Variants in RBFOX1 observed in about 807,000 individuals in gnomAD.
RBFOX1 encodes the protein RNA binding fox-1 homolog 1.
A neutral mutation model predicts 57.7 loss-of-function variants in RBFOX1; 8 were observed. The ratio of observed to expected loss-of-function variants is 0.14; its 90% CI spans 0.08 to 0.25. RBFOX1 has a LOEUF of 0.25. RBFOX1 is among the 10% of genes least tolerant of loss of function. RBFOX1 has a pLI of 1.00. For missense variants in RBFOX1, 611 were observed against 548.5 expected (o/e 1.11, Z -1.14); for synonymous variants, 326 against 222.4 (o/e 1.47, Z -4.15).
intron 3 of RBFOX1, among the ~76,000 whole-genome samples, chr16:6,862,631 C>G (rs879809774): frequency 9.2e-5 from 14 of 152,088 alleles, no homozygotes; most frequent in Admixed American, 8.5e-4. Flanking sequence ...GTACAGGACA[C>G]AAATGGAAAA....
intron 3 of RBFOX1, among the ~76,000 whole-genome samples, chr16:6,886,393 G>C (rs905145804): frequency 2.0e-5 from 3 of 151,914 alleles, no homozygotes; most frequent in Admixed American, 6.6e-5. Context: ...TGTCACCATT[G>C]AGAAGAAAGG....
At chr16:6,592,687 C>A (rs1411396311) in intron 2 of RBFOX1, among the ~76,000 whole-genome samples, 2 of 152,112 alleles carry the variant, frequency 1.3e-5, no homozygotes, top group Non-Finnish European at 2.9e-5. Flanking sequence ...AGCTCATAGT[C>A]CCCTGAGAAA....
chr16:7,404,149 T>C (rs1275067502), intron 4 of RBFOX1, among the ~76,000 whole-genome samples: 1 of 151,594 alleles, frequency 6.6e-6, no homozygotes, highest in South Asian at 2.1e-4. Flanking sequence ...ACCTCCCAGG[T>C]TCAAGCGATT....
intron 4 of RBFOX1, among the ~76,000 whole-genome samples, chr16:6,013,062 A>T (rs1203492322): frequency 6.6e-6 from 1 of 152,152 alleles, no homozygotes; most frequent in Non-Finnish European, 1.5e-5. Context: ...CATCATCATC[A>T]TCATTGTTGT....
chr16:6,218,174 A>G (rs375268207), intron 1 of RBFOX1, among the ~76,000 whole-genome samples: 14 of 152,246 alleles, frequency 9.2e-5, no homozygotes, highest in Non-Finnish European at 2.1e-4. Context: ...GTGCATTTTC[A>G]GTAGAATAAT....
chr16:5,790,612 A>G (rs2054658105), intron 3 of RBFOX1, among the ~76,000 whole-genome samples: 1 of 151,798 alleles, frequency 6.6e-6, no homozygotes, highest in Non-Finnish European at 1.5e-5. Context: ...TCCTGGGCCT[A>G]CCAGGCAAAA....
At chr16:6,279,713 T>C (rs1027703754) in intron 1 of RBFOX1, among the ~76,000 whole-genome samples, 37 of 152,324 alleles carry the variant, frequency 2.4e-4, no homozygotes, top group African/African-American at 8.4e-4. Context: ...GCTGTTGATG[T>C]CAGGGCTTGG....
intron 2 of RBFOX1, among the ~76,000 whole-genome samples, chr16:5,547,447 A>T (rs2045257646): frequency 6.6e-6 from 1 of 152,230 alleles, no homozygotes; most frequent in South Asian, 2.1e-4. Flanking sequence ...AGCTATCTAT[A>T]CATGCAAGAA....
intron 1 of RBFOX1, among the ~76,000 whole-genome samples, chr16:6,159,172 G>A (rs547401964): frequency 1.3e-5 from 2 of 152,160 alleles, no homozygotes; most frequent in Non-Finnish European, 1.5e-5. Context: ...TGCCTCCCAG[G>A]TTCAAGCGAC....
chr16:7,467,169 T>A (rs1298959902), intron 4 of RBFOX1, among the ~76,000 whole-genome samples: 1 of 152,216 alleles, frequency 6.6e-6, no homozygotes, highest in Non-Finnish European at 1.5e-5. Context: ...GAAATCAGAC[T>A]TCTTTGCATC....
intron 2 of RBFOX1, among the ~76,000 whole-genome samples, chr16:5,566,239 ACTGT>A (rs2046062597): frequency 6.6e-6 from 1 of 152,102 alleles, no homozygotes; most frequent in South Asian, 2.1e-4. Flanking sequence ...CTTCCCAGTC[ACTGT>A]CTGTTTTTCT....
At chr16:5,514,860 A>G (rs911095429) in intron 2 of RBFOX1, among the ~76,000 whole-genome samples, 4 of 152,190 alleles carry the variant, frequency 2.6e-5, no homozygotes, top group African/African-American at 9.6e-5. Flanking sequence ...ATAAAGGAAT[A>G]CCTGATTCTG....
intron 1 of RBFOX1, among the ~76,000 whole-genome samples, chr16:6,208,024 G>A (rs972134301): frequency 1.3e-5 from 2 of 151,944 alleles, no homozygotes; most frequent in Non-Finnish European, 1.5e-5. Context: ...GTATATATGT[G>A]TGTGTATACA....
chr16:7,604,757 A>G (rs752866761), intron 9 of RBFOX1, among the ~76,000 whole-genome samples: 4 of 152,312 alleles, frequency 2.6e-5, no homozygotes, highest in Middle Eastern at 3.4e-3. Flanking sequence ...GCAAATTTAT[A>G]ATCTTTAAGA....
At chr16:7,019,962 C>T (rs948851815) in intron 3 of RBFOX1, among the ~76,000 whole-genome samples, 11 of 151,636 alleles carry the variant, frequency 7.3e-5, no homozygotes, top group Admixed American at 7.2e-4. Context: ...ACTATATTCC[C>T]TTTCTTCTGG....
chr16:6,139,989 T>C (rs545560916), intron 1 of RBFOX1, among the ~76,000 whole-genome samples: 3 of 152,332 alleles, frequency 2.0e-5, no homozygotes, highest in South Asian at 4.1e-4. Flanking sequence ...AAGATTCAGC[T>C]GGAAAAAATA....
chr16:6,024,772 C>A (rs966072542), intron 1 of RBFOX1, among the ~76,000 whole-genome samples: 2 of 152,238 alleles, frequency 1.3e-5, no homozygotes, highest in African/African-American at 4.8e-5. Context: ...GCGTGAGCCA[C>A]CACGCCCAGC....
intron 4 of RBFOX1, among the ~76,000 whole-genome samples, chr16:5,952,388 C>A (rs948323522): frequency 6.6e-6 from 1 of 152,018 alleles, no homozygotes; most frequent in Non-Finnish European, 1.5e-5. Flanking sequence ...TGACCTCAAG[C>A]GATCTGTCCA....
intron 3 of RBFOX1, among the ~76,000 whole-genome samples, chr16:6,899,447 G>T (rs2067904642): frequency 6.6e-6 from 1 of 152,096 alleles, no homozygotes; most frequent in African/African-American, 2.4e-5. Flanking sequence ...TTAGTTGGTT[G>T]TTTACGGCCA....
Sources: allele counts gnomAD v4.1 joint callset (sites outside exome capture counted in the v4.1 genomes callset), GRCh38; gene constraint gnomAD v4.1.1; transcripts MANE v1.5; gene names NCBI Gene and HGNC (gene_info 2026-07-23, HGNC 2026-07-21).